Variants in TANC2 observed in about 807,000 individuals in gnomAD.
TANC2 encodes tetratricopeptide repeat, ankyrin repeat and coiled-coil containing 2.
Under a neutral mutation model 210.5 loss-of-function variants are expected in TANC2, and 26 were observed. That is an observed-to-expected ratio of 0.12 (90% confidence interval 0.09 to 0.17). TANC2 has a LOEUF of 0.17. Among genes scored for constraint, TANC2 ranks in the 10% least tolerant of loss-of-function variants. The probability of loss-of-function intolerance (pLI) is 1.00; values close to 1 mark genes in which losing one functional copy is unlikely to be tolerated. For synonymous variants in TANC2, 931 were observed against 967.1 expected (o/e 0.96, Z 0.69); for missense variants, 2,129 against 2,608.9 (o/e 0.82, Z 4.01).
chr17:63,154,550 G>C (rs1428039849), intron 5 of TANC2: 1 of 151,792 alleles, frequency 6.6e-6, no homozygotes, highest in East Asian at 1.9e-4. Context: ...TGTGATTTGG[G>C]GCAAGTCACT....
chr17:63,270,857 C>T (rs1187720073), intron 9 of TANC2, among the ~76,000 whole-genome samples: 1 of 152,078 alleles, frequency 6.6e-6, no homozygotes, highest in African/African-American at 2.4e-5. Flanking sequence ...TTGTCATTCC[C>T]TTTTATGTGT....
intron 5 of TANC2, among the ~76,000 whole-genome samples, chr17:63,175,847 A>G (rs1281596641): frequency 6.6e-6 from 1 of 152,214 alleles, no homozygotes; most frequent in Non-Finnish European, 1.5e-5. Context: ...TTGGCTTGAA[A>G]CAACCACCAT....
intron 4 of TANC2, among the ~76,000 whole-genome samples, chr17:63,128,588 T>C (rs1304026341): frequency 6.6e-6 from 1 of 152,228 alleles, no homozygotes; most frequent in African/African-American, 2.4e-5. Context: ...TAAATGTACA[T>C]TTATATTTTA....
chr17:63,322,668 T>TA lies in TANC2; in HGVS notation c.1575+3579dup, dbSNP rs557755601. ...ACAAAACAGACACAATTCCTGCTGT[T>TA]ATACAGTCCACATTCTCATGAGAGA... On this transcript the variant is annotated intron_variant, in intron 11 of 27. Coordinates refer to ENST00000689528, the Ensembl canonical transcript of TANC2. Among the ~76,000 whole-genome samples the TA allele has an allele frequency of 1.2e-4, 18 of 152,352 alleles. No individual in the cohort carries two copies. In the East Asian group the frequency reaches 3.3e-3, roughly 28 times the overall value.
At chr17:63,034,268 T>C (rs952143024) in intron 2 of TANC2, among the ~76,000 whole-genome samples, 2 of 152,188 alleles carry the variant, frequency 1.3e-5, no homozygotes, top group Non-Finnish European at 2.9e-5. Flanking sequence ...TCTAGGGTCC[T>C]AAAGAATGAT....
chr17:63,247,375 T>C (rs2042946115), intron 8 of TANC2, among the ~76,000 whole-genome samples: 2 of 152,062 alleles, frequency 1.3e-5, no homozygotes, highest in Non-Finnish European at 2.9e-5. Flanking sequence ...TCATGTATTA[T>C]AAAACTGATT....
intron 2 of TANC2, among the ~76,000 whole-genome samples, chr17:63,071,571 G>A (rs1046696081): frequency 7.2e-5 from 11 of 152,268 alleles, no homozygotes; most frequent in African/African-American, 2.4e-4. Context: ...CTTTATTTTG[G>A]TTGTGGCCAG....
intron 4 of TANC2, among the ~76,000 whole-genome samples, chr17:63,136,409 T>TCCCC (rs1255993034): frequency 6.6e-6 from 1 of 152,164 alleles, no homozygotes. Flanking sequence ...CAGCTTGGAA[T>TCCCC]CCCCAGTTTT....
intron 3 of TANC2, among the ~76,000 whole-genome samples, chr17:63,078,431 T>C (rs2036646645): frequency 6.6e-6 from 1 of 152,112 alleles, no homozygotes; most frequent in African/African-American, 2.4e-5. Flanking sequence ...CTTTGTCCTT[T>C]ATTATTTTCT....
intron 1 of TANC2, among the ~76,000 whole-genome samples, chr17:63,006,788 T>A (rs1455173043): frequency 2.0e-5 from 3 of 152,204 alleles, no homozygotes; most frequent in Non-Finnish European, 4.4e-5. Context: ...ATAGTTTTTT[T>A]TTTAAATCTA....
intron 2 of TANC2, among the ~76,000 whole-genome samples, chr17:63,051,231 C>G (rs2035570037): frequency 6.6e-6 from 1 of 152,190 alleles, no homozygotes; most frequent in Admixed American, 6.5e-5. Context: ...AGTTTCATAT[C>G]CTGCTTCTTA....
At chr17:63,278,259 A>G (rs1339709423) in intron 9 of TANC2, among the ~76,000 whole-genome samples, 1 of 152,202 alleles carries the variant, frequency 6.6e-6, no homozygotes, top group African/African-American at 2.4e-5. Flanking sequence ...TCCAGAATAT[A>G]TAAGAAACTC....
intron 4 of TANC2, among the ~76,000 whole-genome samples, chr17:63,130,687 T>G (rs191279151): frequency 6.6e-6 from 1 of 152,310 alleles, no homozygotes; most frequent in Admixed American, 6.5e-5. Flanking sequence ...GTCTGTATAA[T>G]AAAGAGTTTT....
chr17:63,027,773 A>G (rs970560153), intron 2 of TANC2, among the ~76,000 whole-genome samples: 3 of 152,138 alleles, frequency 2.0e-5, no homozygotes, highest in East Asian at 1.9e-4. Flanking sequence ...TGATACAGCA[A>G]TCATAGACTC....
At position 63,299,329 on chromosome 17, in the gene TANC2, A is replaced by T. The variant is rs189971669; in HGVS notation, c.1160-15059A>T. On this transcript the variant is annotated intron_variant, in intron 9 of 27. Coordinates refer to ENST00000689528, the Ensembl canonical transcript of TANC2. ...GGTTAAATGGTATTTTTGGGTCTAG[A>T]TCCTTGAGGAATCGCCACACTGACT... 1.3e-4 allele frequency among the ~76,000 whole-genome samples: 20 copies of T among 152,198 alleles called. No homozygotes were observed. In the East Asian group the frequency reaches 1.9e-3, roughly 15 times the overall value.
At chr17:63,303,808 T>C (rs1275686747) in intron 9 of TANC2, among the ~76,000 whole-genome samples, 1 of 151,914 alleles carries the variant, frequency 6.6e-6, no homozygotes, top group Non-Finnish European at 1.5e-5. Flanking sequence ...CATTCTTTTT[T>C]CTCTAATCTT....
intron 1 of TANC2, among the ~76,000 whole-genome samples, chr17:62,982,833 A>G (rs755183475): frequency 6.6e-6 from 1 of 152,068 alleles, no homozygotes; most frequent in Non-Finnish European, 1.5e-5. Context: ...GTCTGTTTTT[A>G]TGTCGGTACC....
At chr17:63,240,357 A>G (rs1363503451) in intron 8 of TANC2, among the ~76,000 whole-genome samples, 6 of 152,218 alleles carry the variant, frequency 3.9e-5, no homozygotes, top group African/African-American at 9.6e-5. Context: ...ATTCAGGGCT[A>G]TGAGTCTTGG....
chr17:63,309,782 G>A (rs1303539230), intron 9 of TANC2, among the ~76,000 whole-genome samples: 1 of 151,990 alleles, frequency 6.6e-6, no homozygotes, highest in African/African-American at 2.4e-5. Flanking sequence ...ATAATGATGG[G>A]AGACTCACAA....
Sources: allele counts gnomAD v4.1 joint callset (sites outside exome capture counted in the v4.1 genomes callset), GRCh38; gene constraint gnomAD v4.1.1; transcripts MANE v1.5; gene names NCBI Gene and HGNC (gene_info 2026-07-23, HGNC 2026-07-21).